The following PAQR8 variants were observed in gnomAD, a reference collection of about 807,000 sequenced individuals.
PAQR8 encodes membrane progestin receptor beta.
In PAQR8, 17 loss-of-function variants were observed where a neutral mutation model predicts 25.2. The observed-to-expected ratio is 0.67, with a 90% CI of 0.46 to 1.01. The LOEUF is 1.01. PAQR8 is among the 50% of genes least tolerant of loss of function. PAQR8 has a pLI of 0.00. For synonymous variants in PAQR8, 204 were observed against 190.6 expected (o/e 1.07, Z -0.58); for missense variants, 392 against 448.4 (o/e 0.87, Z 1.14).
chr6:52,400,811 T>C (rs1763821792), intron 1 of PAQR8, among the ~76,000 whole-genome samples: 1 of 152,192 alleles, frequency 6.6e-6, no homozygotes, highest in Non-Finnish European at 1.5e-5. Context: ...TACATGTCTG[T>C]CTCCCCAGTA....
chr6:52,389,325 A>C (rs1169604942), intron 1 of PAQR8, among the ~76,000 whole-genome samples: 3 of 152,256 alleles, frequency 2.0e-5, no homozygotes. Context: ...ATCTATTGAC[A>C]CATTCTGGGG....
rs764663918 is a variant in PAQR8, at chr6:52,403,911, C to T, written c.698C>T (p.Ala233Val). Residue 233 changes from alanine to valine, a missense_variant, in exon 2 of 2, where the codon GCG (alanine) becomes GTG (valine). Ala to Val is a moderately conservative substitution (Grantham distance 64). Coordinates refer to ENST00000442253, the MANE Select transcript of PAQR8 (RefSeq NM_133367.5). ...ATCAGCCCTGTGGCACACCGTGTGG[C>T]GCTCTGTCACCTGGCTGGCTGCCAG... ...LDISPVAHRV[A>V]LCHLAGCQEQ... is the part of the protein sequence containing the mutation. 6.8e-6 allele frequency: 11 copies of T among 1,614,222 alleles called. No individual in the cohort carries two copies. The highest frequency in any genetic ancestry group is 4.4e-5 in the South Asian group (4 of 91,092).
At chr6:52,370,403 G>C (rs940658068) in intron 1 of PAQR8, among the ~76,000 whole-genome samples, 1 of 152,200 alleles carries the variant, frequency 6.6e-6, no homozygotes, top group African/African-American at 2.4e-5. Context: ...ACCCAACACT[G>C]CTAGATTCCT....
At chr6:52,390,422 C>T (rs1204278011) in intron 1 of PAQR8, among the ~76,000 whole-genome samples, 5 of 152,170 alleles carry the variant, frequency 3.3e-5, no homozygotes, top group Admixed American at 6.5e-5. Flanking sequence ...TCTTTCTCCT[C>T]TTAGGAATAT....
intron 1 of PAQR8, among the ~76,000 whole-genome samples, chr6:52,379,379 CTG>C (rs1310766090): frequency 6.6e-6 from 1 of 152,100 alleles, no homozygotes; most frequent in East Asian, 1.9e-4. Flanking sequence ...TTGCACAACA[CTG>C]TGAATTGATT....
intron 1 of PAQR8, among the ~76,000 whole-genome samples, chr6:52,394,274 T>C (rs1347221963): frequency 2.0e-5 from 3 of 152,228 alleles, no homozygotes; most frequent in Non-Finnish European, 2.9e-5. Context: ...TGGTCTTTTA[T>C]GGGTACTTCA....
chr6:52,393,752 A>C (rs1763737117), intron 1 of PAQR8, among the ~76,000 whole-genome samples: 1 of 152,210 alleles, frequency 6.6e-6, no homozygotes, highest in Non-Finnish European at 1.5e-5. Flanking sequence ...CTTGCAGTTT[A>C]GTGGTCAGAG....
intron 1 of PAQR8, among the ~76,000 whole-genome samples, chr6:52,373,842 C>T (rs957068003): frequency 6.6e-6 from 1 of 151,796 alleles, no homozygotes; most frequent in Admixed American, 6.6e-5. Context: ...ATCAAGATAG[C>T]TTTGCTAGTT....
chr6:52,388,668 C>T (rs912623253), intron 1 of PAQR8, among the ~76,000 whole-genome samples: 1 of 152,160 alleles, frequency 6.6e-6, no homozygotes, highest in Non-Finnish European at 1.5e-5. Context: ...TCTGCTGGTG[C>T]CTTCATCTTG....
chr6:52,374,357 CTGA>C (rs1360511525), intron 1 of PAQR8, among the ~76,000 whole-genome samples: 1 of 152,172 alleles, frequency 6.6e-6, no homozygotes, highest in Non-Finnish European at 1.5e-5. Context: ...GATCACTGCA[CTGA>C]TATTTACTCG....
intron 1 of PAQR8, among the ~76,000 whole-genome samples, chr6:52,381,867 C>T (rs1437675464): frequency 6.6e-6 from 1 of 152,150 alleles, no homozygotes; most frequent in African/African-American, 2.4e-5. Context: ...TTTAGTTTCT[C>T]CCACATACAT....
At position 52,403,408 on chromosome 6, in the gene PAQR8, C is replaced by T. The variant is rs766229505; in HGVS notation, c.195C>T (p.Tyr65=). 4 of 1,614,114 alleles carry T rather than the reference C, an allele frequency of 2.5e-6. No homozygotes were observed. The highest frequency in any genetic ancestry group is 2.7e-5 in the African/African-American group (2 of 74,954). ...YRPTGHEWRY[Y]FFSLFQKHNE... is the part of the protein sequence containing the mutation. ...CCACGGGGCACGAGTGGCGCTACTA[C>T]TTCTTCAGCCTCTTTCAGAAACACA... Residue 65 remains tyrosine, a synonymous_variant, in exon 2 of 2, where the codon TAC becomes TAT. Transcript: ENST00000442253.
At chr6:52,373,075 A>T (rs1330637300) in intron 1 of PAQR8, among the ~76,000 whole-genome samples, 1 of 152,230 alleles carries the variant, frequency 6.6e-6, no homozygotes. Context: ...GTTGTAGCTA[A>T]TCCTTGCATT....
chr6:52,391,395 T>C (rs568735421), intron 1 of PAQR8, among the ~76,000 whole-genome samples: 13 of 152,344 alleles, frequency 8.5e-5, no homozygotes, highest in African/African-American at 2.6e-4. Context: ...AAATACTCCA[T>C]TTTTGGATGT....
chr6:52,368,376 C>T (rs1033904813), intron 1 of PAQR8, among the ~76,000 whole-genome samples: 1 of 151,986 alleles, frequency 6.6e-6, no homozygotes, highest in Non-Finnish European at 1.5e-5. Context: ...CACCCCAGAC[C>T]ATTGTTTGCG....
At position 52,407,233 on chromosome 6, in the gene PAQR8, T is replaced by C. The variant is rs1763921537; in HGVS notation, c.*2955T>C. 1 of 167,056 alleles carries C rather than the reference T, an allele frequency of 6.0e-6. No homozygotes were observed. Among genetic ancestry groups the C allele is most frequent in the Non-Finnish European group, 1.5e-5 (1 of 68,110 alleles). The allele number at this position is 167,056 out of a possible 1,614,324, so 10.3% of individuals were successfully genotyped here. On this transcript the variant is annotated 3_prime_UTR_variant, in exon 2 of 2. Coordinates refer to ENST00000442253, the MANE Select transcript of PAQR8 (RefSeq NM_133367.5). ...AAAACTAAACTATCAGTCATTTACA[T>C]CCTCTCATGAATGAAATGCAGTGTA...
intron 1 of PAQR8, among the ~76,000 whole-genome samples, chr6:52,385,713 C>T (rs757267410): frequency 2.0e-5 from 3 of 152,014 alleles, no homozygotes; most frequent in Non-Finnish European, 4.4e-5. Context: ...TGAAACCCCA[C>T]TCTCTACAAA....
intron 1 of PAQR8, among the ~76,000 whole-genome samples, chr6:52,379,579 G>A (rs10807444): frequency 0.2 from 28,815 of 147,474 alleles, 3,371 homozygotes; most frequent in Non-Finnish European, 0.26. Context: ...AGCCTCCCGA[G>A]TAGCTGGGAT....
At chr6:52,366,687 A>T (rs1050305220) in intron 1 of PAQR8, among the ~76,000 whole-genome samples, 10 of 152,156 alleles carry the variant, frequency 6.6e-5, no homozygotes, top group African/African-American at 2.4e-4. Context: ...CTGTCTTCTG[A>T]GTAGCGGTTT....
Sources: gnomAD v4.1 joint callset for allele counts (sites outside exome capture counted in the v4.1 genomes callset) on GRCh38, gnomAD v4.1.1 for gene constraint, MANE v1.5 for transcripts, NCBI Gene and HGNC (gene_info 2026-07-23, HGNC 2026-07-21) for gene names.